MACROD2: variants seen among roughly 807,000 people sequenced by gnomAD.
MACROD2 encodes the protein mono-ADP ribosylhydrolase 2, also known as ADP-ribose glycohydrolase MACROD2.
MACROD2 carries 36 observed loss-of-function variants against 70.4 expected under a neutral mutation model. That is an observed-to-expected ratio of 0.51 (90% confidence interval 0.39 to 0.68). The LOEUF (loss-of-function observed/expected upper bound fraction) is 0.68. Among genes scored for constraint, MACROD2 ranks in the 30% least tolerant of loss-of-function variants. The pLI is 0.00. For synonymous variants in MACROD2, 172 were observed against 178.8 expected (o/e 0.96, Z 0.30); for missense variants, 496 against 538.4 (o/e 0.92, Z 0.78).
intron 8 of MACROD2, among the ~76,000 whole-genome samples, chr20:15,806,521 A>G (rs1371958531): frequency 6.6e-6 from 1 of 151,914 alleles, no homozygotes; most frequent in African/African-American, 2.4e-5. Flanking sequence ...TTATTTATTT[A>G]TTTTTGCTAA....
At chr20:15,727,287 C>A (rs983625300) in intron 8 of MACROD2, among the ~76,000 whole-genome samples, 2 of 151,988 alleles carry the variant, frequency 1.3e-5, no homozygotes, top group Non-Finnish European at 2.9e-5. Context: ...TATTCTGTTC[C>A]ATTGGTCTAT....
Position 15,732,742 on chromosome 20 carries a change from ATAG to A in MACROD2, c.646-130001_646-129999del, listed in dbSNP as rs747694663. On this transcript the variant is annotated intron_variant, in intron 8 of 17. Coordinates refer to ENST00000684519, the MANE Select transcript of MACROD2 (RefSeq NM_001351661.2). ...ATTTTTACATCTATGTTTATAAGAA[ATAG>A]TGGTGTGTAGTTTTCCTCTTTTTTT... Among the ~76,000 whole-genome samples, 60 of 140,706 alleles carry A rather than the reference ATAG, an allele frequency of 4.3e-4. 1 individual carries two copies. Among genetic ancestry groups the A allele is most frequent in the Non-Finnish European group, 6.9e-4 (45 of 65,584 alleles). 92.3% of individuals were successfully genotyped at this position (140,706 alleles called of 152,430 possible). A position where few individuals can be genotyped will look rare whatever the true frequency, so the allele number is the denominator to read the frequency against.
Position 14,637,328 on chromosome 20 carries a change from GCTCTTCA to G in MACROD2, c.302-47514_302-47508del, listed in dbSNP as rs1396095919. 6.6e-5 allele frequency among the ~76,000 whole-genome samples: 10 copies of G among 152,108 alleles called. No homozygotes were observed. In the East Asian group the frequency reaches 1.7e-3, roughly 26 times the overall value. Reference sequence around the variant, plus strand: ...CGGATATTAGTTGCCACTTAAAGATGCTCTTCAGATACTAGTGTTCCAGTTAACCATT... The same window carrying G: ...CGGATATTAGTTGCCACTTAAAGATGGATACTAGTGTTCCAGTTAACCATT... On this transcript the variant is annotated intron_variant, in intron 4 of 17. Coordinates refer to ENST00000684519, the MANE Select transcript of MACROD2 (RefSeq NM_001351661.2).
chr20:14,922,362 G>A (rs187953976), intron 5 of MACROD2, among the ~76,000 whole-genome samples: 39 of 152,086 alleles, frequency 2.6e-4, no homozygotes, highest in South Asian at 6.3e-4. Flanking sequence ...ACGGTTACAT[G>A]GCTTCTTAAC....
At chr20:14,349,955 G>A (rs2083106250) in intron 3 of MACROD2, among the ~76,000 whole-genome samples, 1 of 151,392 alleles carries the variant, frequency 6.6e-6, no homozygotes, top group Non-Finnish European at 1.5e-5. Flanking sequence ...CACCATGTTG[G>A]TCAGGCTGGT....
At chr20:15,792,117 T>G (rs933668507) in intron 8 of MACROD2, among the ~76,000 whole-genome samples, 6 of 152,218 alleles carry the variant, frequency 3.9e-5, no homozygotes, top group African/African-American at 1.4e-4. Context: ...GAGGTAATAC[T>G]GGCATTCAAA....
chr20:15,290,375 T>C (rs1396557265), intron 6 of MACROD2, among the ~76,000 whole-genome samples: 4 of 152,072 alleles, frequency 2.6e-5, no homozygotes, highest in African/African-American at 9.7e-5. Context: ...TTATGCAGAG[T>C]GTTGATTTGG....
chr20:14,839,133 T>C (rs972325274), intron 5 of MACROD2, among the ~76,000 whole-genome samples: 1 of 151,994 alleles, frequency 6.6e-6, no homozygotes, highest in African/African-American at 2.4e-5. Flanking sequence ...TGACTCCAAG[T>C]TGTGAGGGGG....
chr20:14,222,071 A>C (rs1224121604), intron 3 of MACROD2, among the ~76,000 whole-genome samples: 1 of 152,204 alleles, frequency 6.6e-6, no homozygotes, highest in African/African-American at 2.4e-5. Context: ...GGAAATCAGT[A>C]TGGGGATTTC....
At chr20:15,524,754 C>CT (rs2047699956) in intron 8 of MACROD2, among the ~76,000 whole-genome samples, 1 of 152,314 alleles carries the variant, frequency 6.6e-6, no homozygotes, top group Non-Finnish European at 1.5e-5. Flanking sequence ...TCCTTGAGCA[C>CT]TAGCTACATG....
intron 3 of MACROD2, among the ~76,000 whole-genome samples, chr20:14,288,395 T>C (rs1453096132): frequency 6.6e-6 from 1 of 152,162 alleles, no homozygotes; most frequent in Non-Finnish European, 1.5e-5. Context: ...TACTCCTGAC[T>C]TCTTTCAGGT....
intron 5 of MACROD2, among the ~76,000 whole-genome samples, chr20:14,878,939 TC>T (rs1271449472): frequency 1.3e-5 from 2 of 152,108 alleles, no homozygotes; most frequent in African/African-American, 4.8e-5. Flanking sequence ...ATTCTTTCCA[TC>T]TTTAATACCC....
intron 7 of MACROD2, among the ~76,000 whole-genome samples, chr20:15,466,704 A>G (rs539877393): frequency 6.6e-6 from 1 of 152,304 alleles, no homozygotes; most frequent in East Asian, 1.9e-4. Context: ...AAGAAAAGAG[A>G]CTGTATTATA....
rs139059481 is a variant in MACROD2 at position 15,786,990 on chromosome 20, T to A, written c.646-75755T>A. ...TTGTTTTTGTTTTTGTGTTTGTTTTTGAGACAGAGTCTCACTCTGTCGCCC... is the reference window on the plus strand; with the variant it reads ...TTGTTTTTGTTTTTGTGTTTGTTTTAGAGACAGAGTCTCACTCTGTCGCCC... On this transcript the variant is annotated intron_variant, in intron 8 of 17. Transcript: ENST00000684519. Among the ~76,000 whole-genome samples, 1,244 of 152,290 alleles carry A rather than the reference T, an allele frequency of 8.2e-3. 32 individuals carry two copies. In the East Asian group the frequency reaches 0.1, roughly 12 times the overall value.
At chr20:15,417,074 C>T (rs756060183) in intron 6 of MACROD2, among the ~76,000 whole-genome samples, 3 of 152,088 alleles carry the variant, frequency 2.0e-5, no homozygotes, top group Non-Finnish European at 4.4e-5. Context: ...ACTCTGCAGG[C>T]GTGAAATCTG....
Position 16,050,320 on chromosome 20 carries a change from C to G in MACROD2, c.*444C>G. The G allele has an allele frequency of 6.4e-6, 1 of 156,676 alleles. No homozygotes were observed. The highest frequency in any genetic ancestry group is 1.4e-5 in the Non-Finnish European group (1 of 71,044). The allele number at this position is 156,676 out of a possible 1,614,324, so 9.7% of individuals were successfully genotyped here. A position where few individuals can be genotyped will look rare whatever the true frequency, so the allele number is the denominator to read the frequency against. On this transcript the variant is annotated 3_prime_UTR_variant, in exon 18 of 18. Coordinates refer to ENST00000684519, the MANE Select transcript of MACROD2 (RefSeq NM_001351661.2). ...AGGATAAATTTTAGGAATCAATGAG[C>G]CCAGCAGCAGTATAATCCCCAGACA...
At chr20:15,005,236 G>T (rs1470382105) in intron 5 of MACROD2, among the ~76,000 whole-genome samples, 2 of 152,102 alleles carry the variant, frequency 1.3e-5, no homozygotes, top group African/African-American at 4.8e-5. Context: ...GAAGAGACTG[G>T]AATTTCCTAT....
intron 3 of MACROD2, among the ~76,000 whole-genome samples, chr20:14,126,755 G>C (rs984129169): frequency 6.6e-6 from 1 of 151,994 alleles, no homozygotes; most frequent in Non-Finnish European, 1.5e-5. Flanking sequence ...TGTGACAATT[G>C]GTCTTTGATG....
At chr20:14,051,097 T>C (rs1435798377) in intron 2 of MACROD2, among the ~76,000 whole-genome samples, 11 of 152,190 alleles carry the variant, frequency 7.2e-5, no homozygotes, top group Admixed American at 5.2e-4. Flanking sequence ...ATGCATAGTA[T>C]GGTATTTGTG....
Sources: allele counts gnomAD v4.1 joint callset (sites outside exome capture counted in the v4.1 genomes callset), GRCh38; gene constraint gnomAD v4.1.1; transcripts MANE v1.5; gene names NCBI Gene and HGNC (gene_info 2026-07-23, HGNC 2026-07-21).